TOMM70: variants seen among roughly 807,000 people sequenced by gnomAD.
TOMM70 encodes the protein mitochondrial import receptor subunit TOM70.
Under a neutral mutation model 73.6 loss-of-function variants are expected in TOMM70, and 13 were observed. That is an observed-to-expected ratio of 0.18 (90% CI 0.11 to 0.28). TOMM70 has a LOEUF of 0.28. Ranked by LOEUF, TOMM70 falls within the 10% of genes least tolerant of loss-of-function variation. The pLI is 1.00. For synonymous variants in TOMM70, 257 were observed against 271.2 expected (o/e 0.95, Z 0.51); for missense variants, 609 against 747.5 (o/e 0.81, Z 2.16).
At chr3:100,391,559 A>C (rs1245126454) in intron 1 of TOMM70, among the ~76,000 whole-genome samples, 1 of 152,200 alleles carries the variant, frequency 6.6e-6, no homozygotes, top group African/African-American at 2.4e-5. Flanking sequence ...GATATAAAGA[A>C]AATATTTTTG....
chr3:100,391,517 T>A (rs755911069), intron 1 of TOMM70, among the ~76,000 whole-genome samples: 225 of 151,990 alleles, frequency 1.5e-3, no homozygotes, highest in Middle Eastern at 0.014. Flanking sequence ...AAAAAAAAAA[T>A]TTTTTTAATA....
intron 1 of TOMM70, among the ~76,000 whole-genome samples, chr3:100,393,684 T>C (rs1487033203): frequency 6.6e-6 from 1 of 152,182 alleles, no homozygotes; most frequent in East Asian, 1.9e-4. Flanking sequence ...ACCCCTCAGC[T>C]CTTAATGACA....
intron 5 of TOMM70, among the ~76,000 whole-genome samples, chr3:100,378,856 A>T (rs934056122): frequency 6.6e-6 from 1 of 152,074 alleles, no homozygotes; most frequent in Non-Finnish European, 1.5e-5. Context: ...AATACAAAAA[A>T]ATTAGTCAGG....
intron 1 of TOMM70, among the ~76,000 whole-genome samples, chr3:100,390,112 ATTAAAG>A (rs1232101183): frequency 6.6e-6 from 1 of 152,126 alleles, no homozygotes; most frequent in Non-Finnish European, 1.5e-5. Context: ...ACAAAAGGTC[ATTAAAG>A]TTAAAGACAA....
At chr3:100,369,951 A>G (rs1365325211) in intron 9 of TOMM70, among the ~76,000 whole-genome samples, 1 of 152,242 alleles carries the variant, frequency 6.6e-6, no homozygotes, top group Non-Finnish European at 1.5e-5. Flanking sequence ...TAATTCCCTA[A>G]TATTATCTAT....
At chr3:100,382,386 G>C (rs563027351) in intron 4 of TOMM70, among the ~76,000 whole-genome samples, 1 of 152,100 alleles carries the variant, frequency 6.6e-6, no homozygotes, top group Non-Finnish European at 1.5e-5. Context: ...AAAGGAATTG[G>C]CTTTATAAGT....
intron 9 of TOMM70, among the ~76,000 whole-genome samples, chr3:100,370,141 A>G (rs965741592): frequency 6.6e-6 from 1 of 152,254 alleles, no homozygotes; most frequent in Non-Finnish European, 1.5e-5. Flanking sequence ...CATCTTCTTT[A>G]TAATAAAAAT....
intron 9 of TOMM70, among the ~76,000 whole-genome samples, chr3:100,370,465 G>A (rs1011179905): frequency 3.3e-5 from 5 of 152,126 alleles, no homozygotes; most frequent in African/African-American, 1.2e-4. Context: ...TAACAATAAT[G>A]TAATAAATAC....
intron 5 of TOMM70, 109 bp from the exon 6 acceptor site, chr3:100,378,021 C>A: frequency 2.3e-6 from 2 of 882,776 alleles, no homozygotes; most frequent in East Asian, 5.5e-5. Flanking sequence ...CCGAGGTGGG[C>A]GGATCACGAG....
At chr3:100,384,719 A>G in intron 3 of TOMM70, 131 bp from the exon 4 acceptor site, 1 of 544,068 alleles carries the variant, frequency 1.8e-6, no homozygotes, top group East Asian at 3.0e-5. Context: ...TTCATTTCCA[A>G]TTAACTGATT....
At chr3:100,383,340 G>A (rs897476865) in intron 4 of TOMM70, among the ~76,000 whole-genome samples, 15 of 151,956 alleles carry the variant, frequency 9.9e-5, no homozygotes, top group African/African-American at 3.6e-4. Flanking sequence ...TGGGTAACAT[G>A]GTGAAACCCT....
At chr3:100,387,448 G>A (rs1051631777) in intron 1 of TOMM70, among the ~76,000 whole-genome samples, 16 of 151,580 alleles carry the variant, frequency 1.1e-4, no homozygotes, top group Admixed American at 9.2e-4. Context: ...CTCTGTCTCC[G>A]CCTGCCCCCC....
At chr3:100,395,894 A>G (rs1195341464) in intron 1 of TOMM70, among the ~76,000 whole-genome samples, 1 of 152,204 alleles carries the variant, frequency 6.6e-6, no homozygotes, top group East Asian at 1.9e-4. Context: ...ATAAAATGGA[A>G]AAGTCCAGGG....
chr3:100,387,593 GACACAGACACACACACAC>G (rs1251899576), intron 1 of TOMM70, among the ~76,000 whole-genome samples: 1 of 98,742 alleles, frequency 1.0e-5, no homozygotes, highest in Non-Finnish European at 1.9e-5. Flanking sequence ...CACAGACACA[GACACAGACACACACACAC>G]ACACACACAC....
In TOMM70 at chr3:100,372,639, T is replaced by G. The variant is rs370111871; in HGVS notation, c.1419A>C (p.Pro473=). 6.2e-7 allele frequency: 1 copy of G among 1,614,130 alleles called. No homozygotes were observed. The highest frequency in any genetic ancestry group is 2.2e-5 in the East Asian group (1 of 44,884). The change falls in exon 9 of 12, where the codon CCA becomes CCC. Residue 473 remains proline (P), a synonymous_variant. Transcript: ENST00000284320. ...ATAGTGCATAGCCTTCGGCACACCTTGGAAATTTCTTTATGACCTCTTCAA... is the reference window on the plus strand; with the variant it reads ...ATAGTGCATAGCCTTCGGCACACCTGGGAAATTTCTTTATGACCTCTTCAA... ...KGFEEVIKKF[P]RCAEGYALYA...
Position 100,365,421 on chromosome 3 carries a change from A to T in TOMM70, c.*143T>A. ...ACAGCCACACCCACAACACCTAGAC[A>T]TGAAACAGATGTAACAAATAACAAC... On this transcript the variant is annotated 3_prime_UTR_variant, in exon 12 of 12. Transcript: ENST00000284320. 7.8e-7 allele frequency: 1 copy of T among 1,280,146 alleles called. No homozygotes were observed. The highest frequency in any genetic ancestry group is 2.4e-5 in the East Asian group (1 of 42,194). 79.3% of individuals were successfully genotyped at this position (1,280,146 alleles called of 1,614,324 possible). A position where few individuals can be genotyped will look rare whatever the true frequency, so the allele number is the denominator to read the frequency against.
At chr3:100,395,118 C>G (rs1354087516) in intron 1 of TOMM70, among the ~76,000 whole-genome samples, 2 of 152,096 alleles carry the variant, frequency 1.3e-5, no homozygotes, top group Non-Finnish European at 2.9e-5. Flanking sequence ...GCCTGTAATC[C>G]TAGCACTTTG....
intron 1 of TOMM70, among the ~76,000 whole-genome samples, chr3:100,397,666 G>C (rs774007908): frequency 3.3e-5 from 5 of 152,122 alleles, no homozygotes; most frequent in Non-Finnish European, 7.4e-5. Flanking sequence ...CAAGGCGGGT[G>C]AATCACGAGG....
intron 1 of TOMM70, among the ~76,000 whole-genome samples, chr3:100,395,483 C>T (rs1389608935): frequency 7.0e-6 from 1 of 142,962 alleles, no homozygotes; most frequent in African/African-American, 2.7e-5. Flanking sequence ...GCGGATGTTG[C>T]GGTGAGCAGA....
Sources: gnomAD v4.1 joint callset for allele counts (sites outside exome capture counted in the v4.1 genomes callset) on GRCh38, gnomAD v4.1.1 for gene constraint, MANE v1.5 for transcripts, NCBI Gene and HGNC (gene_info 2026-07-23, HGNC 2026-07-21) for gene names.